Variants in EYS observed in about 807,000 individuals in gnomAD.
EYS encodes the protein EGF-like photoreceptor maintenance factor, also known as protein eyes shut homolog.
In EYS, 250 loss-of-function variants were observed where a neutral mutation model predicts 282.1. The observed-to-expected ratio is 0.89, with a 90% CI of 0.80 to 0.98. The LOEUF is 0.98. Among genes scored for constraint, EYS ranks in the 50% least tolerant of loss-of-function variants. EYS has a pLI of 0.00. For missense variants in EYS, 4,016 were observed against 3,709.0 expected (o/e 1.08, Z -2.15); for synonymous variants, 1,355 against 1,282.9 (o/e 1.06, Z -1.20).
chr6:63,799,213 C>A (rs187574809), intron 37 of EYS, among the ~76,000 whole-genome samples: 1 of 151,610 alleles, frequency 6.6e-6, no homozygotes, highest in East Asian at 1.9e-4. Flanking sequence ...AGGGTCTTGC[C>A]ATGTTGGCCA....
intron 39 of EYS, chr6:63,786,101 C>T (rs1179568914): frequency 6.7e-6 from 1 of 148,590 alleles, no homozygotes; most frequent in Non-Finnish European, 1.5e-5. Flanking sequence ...GGCTCAGCTA[C>T]ATGAGAGGCT....
intron 15 of EYS, among the ~76,000 whole-genome samples, chr6:64,926,343 G>T (rs76192648): frequency 0.015 from 2,252 of 152,284 alleles, 58 homozygotes; most frequent in African/African-American, 0.052. Flanking sequence ...TGGCTGGCAG[G>T]TTTCCACATA....
chr6:65,583,926 A>C (rs1764952491), intron 2 of EYS, among the ~76,000 whole-genome samples: 1 of 151,826 alleles, frequency 6.6e-6, no homozygotes, highest in Non-Finnish European at 1.5e-5. Flanking sequence ...TACTTAATGT[A>C]TCTTATGACC....
intron 1 of EYS, among the ~76,000 whole-genome samples, chr6:65,694,385 C>A (rs1464917863): frequency 7.5e-6 from 1 of 133,212 alleles, no homozygotes; most frequent in Non-Finnish European, 1.7e-5. Flanking sequence ...CCATTTGATT[C>A]TTCATATTTT....
At chr6:64,704,227 C>A (rs1770893907) in intron 22 of EYS, among the ~76,000 whole-genome samples, 1 of 150,342 alleles carries the variant, frequency 6.7e-6, no homozygotes, top group African/African-American at 2.4e-5. Context: ...TAGATGTATT[C>A]ATATTATAAT....
At chr6:63,788,788 A>G (rs1770433527) in intron 38 of EYS, among the ~76,000 whole-genome samples, 1 of 152,116 alleles carries the variant, frequency 6.6e-6, no homozygotes, top group Non-Finnish European at 1.5e-5. Flanking sequence ...TCTCTTTCTT[A>G]ACTCCTATTT....
Position 64,701,913 on chromosome 6 carries a change from GT to G in EYS, c.3444-75669del, listed in dbSNP as rs199911375. On this transcript the variant is annotated intron_variant, in intron 22 of 42. Coordinates refer to ENST00000503581, the MANE Select transcript of EYS (RefSeq NM_001142800.2). Reference sequence around the variant, plus strand: ...TATATAATAACTTTAAAATAGTCTGGTTTTTTTTGAATTTGCTTTGCAATTT... The same window carrying G: ...TATATAATAACTTTAAAATAGTCTGGTTTTTTTGAATTTGCTTTGCAATTT... 1.6e-4 allele frequency among the ~76,000 whole-genome samples: 24 copies of G among 151,566 alleles called. 1 individual carries two copies. Among genetic ancestry groups the G allele is most frequent in the Admixed American group, 6.6e-4 (10 of 15,206 alleles).
intron 30 of EYS, among the ~76,000 whole-genome samples, chr6:64,258,739 G>A (rs1038891366): frequency 8.6e-5 from 13 of 152,040 alleles, no homozygotes; most frequent in East Asian, 1.9e-4. Context: ...TTTTTTAAAC[G>A]TAAAGTTCAT....
chr6:64,426,924 G>A (rs1774430355), intron 28 of EYS, among the ~76,000 whole-genome samples: 1 of 151,970 alleles, frequency 6.6e-6, no homozygotes, highest in South Asian at 2.1e-4. Flanking sequence ...AATTATATAT[G>A]AGAACCATTT....
intron 34 of EYS, among the ~76,000 whole-genome samples, chr6:63,987,851 G>A (rs1421306044): frequency 6.6e-6 from 1 of 151,554 alleles, no homozygotes; most frequent in African/African-American, 2.4e-5. Flanking sequence ...ACTAATACGT[G>A]CTGTTTTCAT....
At chr6:65,353,287 T>G (rs1764355587) in intron 9 of EYS, among the ~76,000 whole-genome samples, 171 bp downstream of exon 9, 1 of 152,058 alleles carries the variant, frequency 6.6e-6, no homozygotes, top group Non-Finnish European at 1.5e-5. Context: ...GTAGTTGGTG[T>G]TAAACACGTC....
At chr6:63,755,813 C>G (rs1187575650) in intron 41 of EYS, among the ~76,000 whole-genome samples, 6 of 152,174 alleles carry the variant, frequency 3.9e-5, no homozygotes, top group Non-Finnish European at 5.9e-5. Context: ...TTTCCTTGAG[C>G]AGTGGTTTGT....
At chr6:65,342,537 A>G (rs1770238247) in intron 10 of EYS, among the ~76,000 whole-genome samples, 1 of 150,634 alleles carries the variant, frequency 6.6e-6, no homozygotes. Context: ...TGAACAATTA[A>G]TCAAATTAAT....
At chr6:65,681,833 C>T (rs1220177122) in intron 1 of EYS, among the ~76,000 whole-genome samples, 2 of 151,844 alleles carry the variant, frequency 1.3e-5, no homozygotes, top group Non-Finnish European at 1.5e-5. Flanking sequence ...TTATAGCTCA[C>T]GTATATTTGT....
chr6:65,375,631 C>A (rs1765336101), intron 8 of EYS, among the ~76,000 whole-genome samples: 1 of 151,980 alleles, frequency 6.6e-6, no homozygotes, highest in African/African-American at 2.4e-5. Flanking sequence ...AGAACCTTGA[C>A]AAAAGGATAC....
intron 38 of EYS, 84 bp downstream of exon 38, chr6:63,788,974 C>T (rs186862916): frequency 7.3e-7 from 1 of 1,372,522 alleles, no homozygotes; most frequent in African/African-American, 1.4e-5. Context: ...GCATCATGGG[C>T]TATTCACCTC....
chr6:64,214,038 C>G (rs1380631103), intron 31 of EYS, among the ~76,000 whole-genome samples: 1 of 152,064 alleles, frequency 6.6e-6, no homozygotes, highest in Non-Finnish European at 1.5e-5. Context: ...CTTTTTATCA[C>G]CTCTACAAAA....
At chr6:65,485,748 T>A (rs145259566) in intron 5 of EYS, among the ~76,000 whole-genome samples, 3 of 152,026 alleles carry the variant, frequency 2.0e-5, no homozygotes, top group African/African-American at 4.8e-5. Context: ...GAGGTTGCAG[T>A]GAGCCGAGAT....
At chr6:65,021,925 C>T (rs529603337) in intron 13 of EYS, among the ~76,000 whole-genome samples, 1 of 152,234 alleles carries the variant, frequency 6.6e-6, no homozygotes, top group African/African-American at 2.4e-5. Context: ...CTTGTGAGAA[C>T]TCACTCACTC....
Sources: allele counts gnomAD v4.1 joint callset (sites outside exome capture counted in the v4.1 genomes callset), GRCh38; gene constraint gnomAD v4.1.1; transcripts MANE v1.5; gene names NCBI Gene and HGNC (gene_info 2026-07-23, HGNC 2026-07-21).